SHTN1: variants seen among roughly 807,000 people sequenced by gnomAD.
SHTN1 encodes shootin 1.
SHTN1 carries 42 observed loss-of-function variants against 83.1 expected under a neutral mutation model. The observed-to-expected ratio is 0.51, with a 90% CI of 0.39 to 0.65. The LOEUF (loss-of-function observed/expected upper bound fraction) is 0.65. SHTN1 is among the 30% of genes least tolerant of loss of function. The pLI is 0.00. For synonymous variants in SHTN1, 224 were observed against 247.7 expected (o/e 0.90, Z 0.90); for missense variants, 622 against 737.8 (o/e 0.84, Z 1.82).
intron 1 of SHTN1, among the ~76,000 whole-genome samples, chr10:117,076,066 C>T (rs1027275814): frequency 6.6e-6 from 1 of 151,596 alleles, no homozygotes; most frequent in African/African-American, 2.4e-5. Flanking sequence ...GCCTGTAGTC[C>T]CAGCTACTTG....
intron 2 of SHTN1, among the ~76,000 whole-genome samples, chr10:116,975,659 A>C (rs191995545): frequency 3.9e-5 from 6 of 152,090 alleles, no homozygotes; most frequent in African/African-American, 1.2e-4. Flanking sequence ...AAAAAAAAAA[A>C]CATAAAAGAG....
At chr10:117,057,267 T>C (rs928424998) in intron 1 of SHTN1, among the ~76,000 whole-genome samples, 9 of 152,176 alleles carry the variant, frequency 5.9e-5, no homozygotes, top group African/African-American at 2.2e-4. Context: ...TTGGTGAATT[T>C]CAGCTATTAG....
intron 1 of SHTN1, 81 bp downstream of exon 1, chr10:117,004,941 A>G: frequency 9.1e-6 from 12 of 1,325,886 alleles, no homozygotes; most frequent in Non-Finnish European, 1.2e-5. Context: ...CCGGCTTCCA[A>G]CTGCCCTGGC....
chr10:116,970,490 C>A (rs762660788), intron 2 of SHTN1, among the ~76,000 whole-genome samples: 1 of 152,042 alleles, frequency 6.6e-6, no homozygotes, highest in Non-Finnish European at 1.5e-5. Context: ...CCAAGGCAGG[C>A]GGATCATGAG....
chr10:117,050,235 AC>A (rs1477297064), intron 1 of SHTN1, among the ~76,000 whole-genome samples: 2 of 152,164 alleles, frequency 1.3e-5, no homozygotes, highest in African/African-American at 4.8e-5. Flanking sequence ...AATCAATAAA[AC>A]TGATAAACCT....
intron 16 of SHTN1, among the ~76,000 whole-genome samples, chr10:116,889,036 C>T (rs1006671757): frequency 1.3e-5 from 2 of 152,236 alleles, no homozygotes; most frequent in Non-Finnish European, 2.9e-5. Flanking sequence ...TTTCAGCATG[C>T]AAAGGAGGTA....
chr10:116,984,638 G>C (rs1589869138), intron 1 of SHTN1, among the ~76,000 whole-genome samples: 1 of 152,214 alleles, frequency 6.6e-6, no homozygotes, highest in East Asian at 1.9e-4. Context: ...CCTCTAAAAA[G>C]TATCTCTGCA....
At position 116,911,848 on chromosome 10, in the gene SHTN1, A is replaced by C; in HGVS notation, c.1306-5T>G. The C allele has an allele frequency of 6.2e-7, 1 of 1,607,292 alleles. No individual in the cohort carries two copies. The highest frequency in any genetic ancestry group is 8.5e-7 in the Non-Finnish European group (1 of 1,174,002). On this transcript the variant is annotated splice_region_variant and splice_polypyrimidine_tract_variant and intron_variant, in intron 13 of 16. Coordinates refer to ENST00000355371, the MANE Select transcript of SHTN1 (RefSeq NM_001127211.3). ...GCAGCCTTTCGAAGATTCTGGCTATAATTTTAATAAGAAAGAAAAATCACT... is the reference window on the plus strand; with the variant it reads ...GCAGCCTTTCGAAGATTCTGGCTATCATTTTAATAAGAAAGAAAAATCACT...
intron 1 of SHTN1, among the ~76,000 whole-genome samples, chr10:117,103,082 T>G (rs187610233): frequency 1.1e-4 from 17 of 152,248 alleles, no homozygotes; most frequent in Middle Eastern, 3.4e-3. Context: ...TTGTTTTGTT[T>G]TTGTTGTTGT....
intron 6 of SHTN1, among the ~76,000 whole-genome samples, chr10:116,950,943 T>C (rs543787175): frequency 2.0e-5 from 3 of 152,278 alleles, no homozygotes; most frequent in African/African-American, 7.2e-5. Flanking sequence ...ACAGGATCAA[T>C]ACGTTGGCAT....
chr10:117,113,314 C>A (rs1015522699), intron 1 of SHTN1, among the ~76,000 whole-genome samples: 2 of 152,164 alleles, frequency 1.3e-5, no homozygotes, highest in Non-Finnish European at 2.9e-5. Flanking sequence ...GTCAAAAGAG[C>A]AGAAAATGTC....
At chr10:116,940,272 C>T (rs1339999920) in intron 9 of SHTN1, among the ~76,000 whole-genome samples, 194 bp downstream of exon 9, 1 of 152,176 alleles carries the variant, frequency 6.6e-6, no homozygotes, top group Non-Finnish European at 1.5e-5. Flanking sequence ...TAGCGTATTA[C>T]AAATTTCAGT....
At chr10:116,902,277 G>A (rs1401472892) in intron 15 of SHTN1, among the ~76,000 whole-genome samples, 1 of 152,132 alleles carries the variant, frequency 6.6e-6, no homozygotes, top group Non-Finnish European at 1.5e-5. Flanking sequence ...ATAGAGTATG[G>A]CTTTCTGACA....
intron 1 of SHTN1, among the ~76,000 whole-genome samples, chr10:117,065,800 GGAAGGAAGGAAGGA>G (rs1852983823): frequency 2.7e-5 from 1 of 37,058 alleles, no homozygotes; most frequent in South Asian, 1.8e-3. Context: ...AAGGAAGGAA[GGAAGGAAGGAAGGA>G]AGGAAGGAAG....
chr10:116,912,431 C>A (rs1166896076), intron 13 of SHTN1, among the ~76,000 whole-genome samples: 1 of 152,200 alleles, frequency 6.6e-6, no homozygotes, highest in Non-Finnish European at 1.5e-5. Context: ...GCTGCCAGAG[C>A]AGCCAAAGAC....
At chr10:117,036,914 G>A (rs1242151372) in intron 2 of SHTN1, among the ~76,000 whole-genome samples, 1 of 152,078 alleles carries the variant, frequency 6.6e-6, no homozygotes, top group East Asian at 1.9e-4. Context: ...TACCTTCTAT[G>A]TATGCACAAA....
intron 1 of SHTN1, among the ~76,000 whole-genome samples, chr10:117,059,153 A>G (rs1852866323): frequency 6.6e-6 from 1 of 152,218 alleles, no homozygotes; most frequent in African/African-American, 2.4e-5. Flanking sequence ...TTTTACCACA[A>G]TAAAAACATG....
At chr10:116,954,462 A>G (rs571544424) in intron 4 of SHTN1, among the ~76,000 whole-genome samples, 127 of 152,354 alleles carry the variant, frequency 8.3e-4, no homozygotes, top group Admixed American at 1.0e-3. Flanking sequence ...ATAAGGAACT[A>G]AGATAAAACA....
chr10:117,005,000 C>G (rs974470395), intron 1 of SHTN1, 22 bp downstream of exon 1: 3 of 1,580,850 alleles, frequency 1.9e-6, no homozygotes, highest in African/African-American at 2.7e-5. Flanking sequence ...CTGCCCACAC[C>G]TGGCGCCCGC....
Sources: gnomAD v4.1 joint callset for allele counts (sites outside exome capture counted in the v4.1 genomes callset) on GRCh38, gnomAD v4.1.1 for gene constraint, MANE v1.5 for transcripts, NCBI Gene and HGNC (gene_info 2026-07-23, HGNC 2026-07-21) for gene names.